The following CLTCL1 variants were observed in gnomAD, a reference collection of about 807,000 sequenced individuals.
CLTCL1 encodes the protein clathrin heavy chain 2.
In CLTCL1, 159 loss-of-function variants were observed where a neutral mutation model predicts 190.0. That is an observed-to-expected ratio of 0.84 (90% CI 0.74 to 0.95). The LOEUF (loss-of-function observed/expected upper bound fraction) is 0.95. CLTCL1 is among the 40% of genes least tolerant of loss of function. The pLI is 0.00. For missense variants in CLTCL1, 1,878 were observed against 2,033.4 expected (o/e 0.92, Z 1.47); for synonymous variants, 752 against 769.6 (o/e 0.98, Z 0.38).
rs565672791 is a variant in CLTCL1 at position 19,244,494 on chromosome 22, G to T, written c.520-1558C>A. The stretch of plus-strand genomic sequence containing the variant: ...GGTCTGTGTTTTAACAGAAAAATGA[G>T]CATGGAAAGGTAAAAATGAGAATCC... On this transcript the variant is annotated intron_variant, in intron 3 of 32. Transcript: ENST00000427926. 3.9e-5 allele frequency among the ~76,000 whole-genome samples: 6 copies of T among 152,292 alleles called. No individual in the cohort carries two copies. The East Asian group carries it at 1.2e-3, about 29-fold the overall frequency.
At chr22:19,230,091 TCC>T in intron 10 of CLTCL1, 116 bp from the exon 11 acceptor site, 3 of 780,716 alleles carry the variant, frequency 3.8e-6, no homozygotes, top group African/African-American at 2.4e-5. Flanking sequence ...ATTAGTTCCC[TCC>T]CTTGGTTTTT....
intron 19 of CLTCL1, among the ~76,000 whole-genome samples, chr22:19,212,571 A>AAGAAAGAAGAG (rs1330790240): frequency 6.8e-6 from 1 of 146,952 alleles, no homozygotes; most frequent in Non-Finnish European, 1.5e-5. Context: ...AAGAAAGAGA[A>AAGAAAGAAGAG]AGAAAGAAAG....
At position 19,196,504 on chromosome 22, in the gene CLTCL1, A is replaced by G. The variant is rs1555935798; in HGVS notation, c.4026T>C (p.Arg1342=). ...MLEHLELFWS[R]VNIPKVLRAA... ...TACACGGTACCTTTGGGATGTTGAC[A>G]CGGGACCAGAAAAGCTCCAGATGCT... The change falls in exon 25 of 33, where the codon CGT becomes CGC. Residue 1342 remains arginine (R), a synonymous_variant. Coordinates refer to ENST00000427926, the MANE Select transcript of CLTCL1 (RefSeq NM_007098.4). 11 of 1,614,060 alleles carry G rather than the reference A, an allele frequency of 6.8e-6. No homozygotes were observed. The East Asian group carries it at 1.6e-4, about 23-fold the overall frequency.
chr22:19,225,827 A>T (rs1186323174), intron 12 of CLTCL1, among the ~76,000 whole-genome samples, 194 bp from the exon 13 acceptor site: 2 of 152,254 alleles, frequency 1.3e-5, no homozygotes, highest in Non-Finnish European at 2.9e-5. Context: ...AAAGACACTG[A>T]TCTAAACTGT....
chr22:19,220,381 TAGTTAAATTTA>T (rs782557632), intron 17 of CLTCL1, among the ~76,000 whole-genome samples: 2 of 152,204 alleles, frequency 1.3e-5, no homozygotes, highest in Non-Finnish European at 2.9e-5. Flanking sequence ...ATTTTTAATT[TAGTTAAATTTA>T]AGTACTCATA....
chr22:19,187,639 C>T lies in CLTCL1; in HGVS notation c.4524G>A (p.Arg1508=), dbSNP rs374313086. 3.3e-5 allele frequency: 53 copies of T among 1,613,700 alleles called. No homozygotes were observed. The Admixed American group carries it at 5.3e-4, about 16-fold the overall frequency. The part of the protein sequence containing the change: ...QLEKHQLMEF[R]CIAAYLYKGN... ...CCTTGTACAGATAGGCCGCAATGCA[C>T]CTGAACTCCATCAGCTGATGCTTCT... Residue 1508 remains arginine (R), a synonymous_variant, in exon 29 of 33, where the codon AGG becomes AGA. Transcript: ENST00000427926.
At chr22:19,255,372 G>T (rs183546121) in intron 2 of CLTCL1, among the ~76,000 whole-genome samples, 46 of 152,176 alleles carry the variant, frequency 3.0e-4, no homozygotes, top group African/African-American at 1.1e-3. Flanking sequence ...AGACCAGTCT[G>T]GTCAACATGG....
chr22:19,194,094 A>T (rs2084613882), intron 26 of CLTCL1, among the ~76,000 whole-genome samples: 1 of 152,168 alleles, frequency 6.6e-6, no homozygotes, highest in South Asian at 2.1e-4. Context: ...CCCATTTTAC[A>T]GAGTGCTGAT....
rs2073757 is a variant in CLTCL1 at position 19,221,935 on chromosome 22, A to G, written c.2561+16T>C. ...AATCCAGGGGTAAGAGAAAACACCA[A>G]GTAAGGACACCTTACCTATTTCTTT... On this transcript the variant is annotated intron_variant, in intron 16 of 32. Transcript: ENST00000427926. 3.5e-5 allele frequency: 56 copies of G among 1,613,108 alleles called. No individual in the cohort carries two copies. The highest frequency in any genetic ancestry group is 4.4e-5 in the Non-Finnish European group (52 of 1,179,380).
intron 9 of CLTCL1, chr22:19,232,863 A>G (rs1018792209): frequency 5.3e-6 from 3 of 566,846 alleles, no homozygotes; most frequent in African/African-American, 3.7e-5. Flanking sequence ...GCCAGTAAGC[A>G]CACAGGGATA....
At chr22:19,224,272 T>G (rs1447741115) in intron 13 of CLTCL1, among the ~76,000 whole-genome samples, 1 of 152,184 alleles carries the variant, frequency 6.6e-6, no homozygotes, top group Non-Finnish European at 1.5e-5. Context: ...CATGTTTTGA[T>G]GTAAAATACT....
intron 20 of CLTCL1, 127 bp from the exon 21 acceptor site, chr22:19,209,241 C>A: frequency 1.3e-6 from 1 of 767,382 alleles, no homozygotes; most frequent in East Asian, 2.8e-5. Context: ...CAGAAGCAAT[C>A]AGGTACTAAG....
At chr22:19,283,472 G>A (rs1042926747) in intron 1 of CLTCL1, among the ~76,000 whole-genome samples, 3 of 151,478 alleles carry the variant, frequency 2.0e-5, no homozygotes, top group Non-Finnish European at 2.9e-5. Context: ...GTAGAGACAG[G>A]GTTTTGCCAT....
chr22:19,196,768 A>T, intron 24 of CLTCL1, 112 bp from the exon 25 acceptor site: 1 of 1,247,954 alleles, frequency 8.0e-7, no homozygotes, highest in Admixed American at 2.4e-5. Flanking sequence ...AATGATCCCG[A>T]GGAGGCATGT....
intron 2 of CLTCL1, among the ~76,000 whole-genome samples, chr22:19,262,228 A>G (rs369673590): frequency 9.9e-5 from 15 of 151,136 alleles, no homozygotes; most frequent in East Asian, 4.0e-4. Context: ...GGGTTTCACC[A>G]TGTTGGCCAG....
At chr22:19,205,933 T>G (rs536891957) in intron 22 of CLTCL1, among the ~76,000 whole-genome samples, 1 of 151,908 alleles carries the variant, frequency 6.6e-6, no homozygotes, top group East Asian at 1.9e-4. Context: ...ACCATTGTTT[T>G]TTTTTTTTTT....
At chr22:19,277,716 A>C (rs782024878) in intron 1 of CLTCL1, among the ~76,000 whole-genome samples, 3 of 152,140 alleles carry the variant, frequency 2.0e-5, no homozygotes, top group Non-Finnish European at 4.4e-5. Context: ...CTCACACATC[A>C]CTCAACACAA....
At chr22:19,207,763 C>A (rs1365588132) in intron 22 of CLTCL1, 2 of 530,144 alleles carry the variant, frequency 3.8e-6, no homozygotes, top group Non-Finnish European at 6.7e-6. Context: ...TCACAGAGCA[C>A]AAACCCTATT....
intron 1 of CLTCL1, 85 bp from the exon 2 acceptor site, chr22:19,275,915 T>G (rs1373664885): frequency 3.8e-5 from 46 of 1,221,212 alleles, no homozygotes; most frequent in Non-Finnish European, 4.8e-5. Context: ...AGAAGTTAAA[T>G]AAAATTTAGA....
Sources: gnomAD v4.1 joint callset for allele counts (sites outside exome capture counted in the v4.1 genomes callset) on GRCh38, gnomAD v4.1.1 for gene constraint, MANE v1.5 for transcripts, NCBI Gene and HGNC (gene_info 2026-07-23, HGNC 2026-07-21) for gene names.